Variants in FOCAD observed in about 807,000 individuals in gnomAD.
The protein encoded by FOCAD is focadhesin, also known as KIAA1797.
A neutral mutation model predicts 225.6 loss-of-function variants in FOCAD; 198 were observed. The observed-to-expected ratio is 0.88, with a 90% CI of 0.78 to 0.99. The LOEUF (loss-of-function observed/expected upper bound fraction) is 0.99. Ranked by LOEUF, FOCAD falls within the 50% of genes least tolerant of loss-of-function variation. The pLI is 0.00. For missense variants in FOCAD, 2,713 were observed against 2,123.6 expected, an observed-to-expected ratio of 1.28 and a Z score of -5.46; for synonymous variants, 897 against 755.0, an observed-to-expected ratio of 1.19 and a Z score of -3.08.
chr9:20,763,539 T>A (rs1829798858), intron 6 of FOCAD, among the ~76,000 whole-genome samples: 1 of 152,178 alleles, frequency 6.6e-6, no homozygotes, highest in Non-Finnish European at 1.5e-5. Context: ...CAAGGTGAAG[T>A]GTCAAGGAAG....
intron 4 of FOCAD, among the ~76,000 whole-genome samples, chr9:20,721,310 C>T (rs552400190): frequency 6.6e-6 from 1 of 152,240 alleles, no homozygotes; most frequent in South Asian, 2.1e-4. Context: ...CTTGTTTTTC[C>T]AGTGTTTTTC....
In FOCAD at chr9:20,933,002, A is replaced by G. The variant is rs754252130; in HGVS notation, c.3318-12A>G. 1.3e-6 allele frequency: 2 copies of G among 1,599,592 alleles called. No individual in the cohort carries two copies. Among genetic ancestry groups the G allele is most frequent in the African/African-American group, 1.3e-5 (1 of 74,534 alleles). On this transcript the variant is annotated splice_polypyrimidine_tract_variant and intron_variant, in intron 27 of 43. Coordinates refer to ENST00000338382, the MANE Select transcript of FOCAD (RefSeq NM_001375567.1). ...TTAAATAATTCATTGTTTCCCCTTG[A>G]TCTTTAACCAGTGATATATCTGGCC...
At chr9:20,915,684 T>TGGTG (rs1833811365) in intron 23 of FOCAD, among the ~76,000 whole-genome samples, 1 of 152,132 alleles carries the variant, frequency 6.6e-6, no homozygotes, top group Non-Finnish European at 1.5e-5. Flanking sequence ...GGGCAATAGC[T>TGGTG]GGTGGGCTTG....
At chr9:20,868,773 A>C (rs1464040531) in intron 18 of FOCAD, among the ~76,000 whole-genome samples, 3 of 151,386 alleles carry the variant, frequency 2.0e-5, no homozygotes, top group Non-Finnish European at 4.4e-5. Flanking sequence ...ACAATAGCTC[A>C]CTGCAGTGGA....
At chr9:20,889,875 A>G (rs900398038) in intron 21 of FOCAD, among the ~76,000 whole-genome samples, 1 of 152,190 alleles carries the variant, frequency 6.6e-6, no homozygotes, top group Non-Finnish European at 1.5e-5. Context: ...TGAACAAGGT[A>G]TAATTGTCTA....
At chr9:20,917,835 A>G (rs1310491392) in intron 24 of FOCAD, among the ~76,000 whole-genome samples, 1 of 152,218 alleles carries the variant, frequency 6.6e-6, no homozygotes, top group Admixed American at 6.5e-5. Context: ...TTAGCTTTCT[A>G]TCAATAATTT....
intron 19 of FOCAD, among the ~76,000 whole-genome samples, chr9:20,877,967 A>T (rs1830367527): frequency 6.6e-6 from 1 of 152,320 alleles, no homozygotes; most frequent in Non-Finnish European, 1.5e-5. Flanking sequence ...AGTCACTCAA[A>T]GAATTGAGAT....
intron 28 of FOCAD, 56 bp from the exon 29 acceptor site, chr9:20,944,571 G>T: frequency 6.4e-7 from 1 of 1,574,586 alleles, no homozygotes; most frequent in Non-Finnish European, 8.7e-7. Flanking sequence ...GGTAAGTGAA[G>T]AGCAATTGTG....
intron 4 of FOCAD, among the ~76,000 whole-genome samples, chr9:20,733,845 T>TA (rs1361191155): frequency 6.6e-6 from 1 of 151,806 alleles, no homozygotes; most frequent in East Asian, 1.9e-4. Flanking sequence ...TTAAAAAAAA[T>TA]AAAAAATTAG....
At chr9:20,844,054 G>C (rs966772125) in intron 15 of FOCAD, among the ~76,000 whole-genome samples, 1 of 152,014 alleles carries the variant, frequency 6.6e-6, no homozygotes, top group African/African-American at 2.4e-5. Flanking sequence ...GTTAAACATA[G>C]AGTTACTATA....
chr9:20,979,414 C>T (rs142347075), intron 37 of FOCAD, among the ~76,000 whole-genome samples: 103 of 152,334 alleles, frequency 6.8e-4, no homozygotes, highest in African/African-American at 2.4e-3. Flanking sequence ...TCTCGACTCA[C>T]TGCAACCTCC....
chr9:20,844,722 G>A (rs1186948807), intron 15 of FOCAD, among the ~76,000 whole-genome samples: 1 of 152,070 alleles, frequency 6.6e-6, no homozygotes. Context: ...ACAAAGCAGA[G>A]ATCGAAGTCA....
At chr9:20,671,198 T>C (rs1822053811) in intron 2 of FOCAD, among the ~76,000 whole-genome samples, 1 of 152,070 alleles carries the variant, frequency 6.6e-6, no homozygotes, top group Non-Finnish European at 1.5e-5. Context: ...CTCTTAGTCT[T>C]ATATTGAAAT....
chr9:20,977,340 C>T lies in FOCAD; in HGVS notation c.4261+792C>T, dbSNP rs192039937. ...TATAAGGTAGTGTATTCACAGGTTG[C>T]AGGGATCAGGATGTGAACATTATTG... On this transcript the variant is annotated intron_variant, in intron 36 of 43. Coordinates refer to ENST00000338382, the MANE Select transcript of FOCAD (RefSeq NM_001375567.1). Among the ~76,000 whole-genome samples, 6 of 152,294 alleles carry T rather than the reference C, an allele frequency of 3.9e-5. No homozygotes were observed. The East Asian group carries it at 1.2e-3, about 29-fold the overall frequency.
chr9:20,795,664 G>T (rs1019187078), intron 11 of FOCAD, among the ~76,000 whole-genome samples: 3 of 151,294 alleles, frequency 2.0e-5, no homozygotes, highest in Admixed American at 6.6e-5. Context: ...GGTGCCTGTA[G>T]TCCCAGCTAC....
intron 30 of FOCAD, among the ~76,000 whole-genome samples, 198 bp downstream of exon 30, chr9:20,947,018 C>T (rs1370162141): frequency 1.3e-5 from 2 of 152,134 alleles, no homozygotes; most frequent in Non-Finnish European, 2.9e-5. Context: ...CTGTCTCATT[C>T]TGTGGACATT....
intron 1 of FOCAD, chr9:20,694,646 TG>T (rs1823203283): frequency 6.6e-6 from 1 of 152,210 alleles, no homozygotes; most frequent in Non-Finnish European, 1.5e-5. Flanking sequence ...TTTTTAAAAA[TG>T]TCTTACTAAA....
intron 1 of FOCAD, among the ~76,000 whole-genome samples, chr9:20,698,115 T>A (rs538123591): frequency 3.3e-5 from 5 of 152,264 alleles, no homozygotes; most frequent in Non-Finnish European, 4.4e-5. Context: ...TCACTTTTTT[T>A]AAAATTGCAA....
intron 15 of FOCAD, among the ~76,000 whole-genome samples, chr9:20,837,124 A>G (rs1260529126): frequency 6.6e-6 from 1 of 152,022 alleles, no homozygotes; most frequent in Non-Finnish European, 1.5e-5. Context: ...TACATTTAGG[A>G]TCTCCATTGC....
Sources: allele counts gnomAD v4.1 joint callset (sites outside exome capture counted in the v4.1 genomes callset), GRCh38; gene constraint gnomAD v4.1.1; transcripts MANE v1.5; gene names NCBI Gene and HGNC (gene_info 2026-07-23, HGNC 2026-07-21).